The following HPCAL1 variants were observed in gnomAD, a reference collection of about 807,000 sequenced individuals.
HPCAL1 encodes the protein hippocalcin like 1.
A neutral mutation model predicts 17.1 loss-of-function variants in HPCAL1; 8 were observed. That is an observed-to-expected ratio of 0.47 (90% CI 0.27 to 0.84). The LOEUF is 0.84. HPCAL1 is among the 40% of genes least tolerant of loss of function. The probability of loss-of-function intolerance (pLI) is 0.13; values close to 1 mark genes in which losing one functional copy is unlikely to be tolerated. For missense variants in HPCAL1, 165 were observed against 271.1 expected, an observed-to-expected ratio of 0.61 and a Z score of 2.75; for synonymous variants, 112 against 111.4, an observed-to-expected ratio of 1.01 and a Z score of -0.03.
intron 1 of HPCAL1, among the ~76,000 whole-genome samples, chr2:10,371,077 G>C (rs1238222871): frequency 6.6e-6 from 1 of 152,202 alleles, no homozygotes; most frequent in East Asian, 1.9e-4. Flanking sequence ...AGCAAACAGA[G>C]GAGGCCAGTG....
In HPCAL1 at chr2:10,330,368, A is replaced by G. The variant is rs1033439354; in HGVS notation, c.-111+27191A>G. Among the ~76,000 whole-genome samples the G allele has an allele frequency of 6.6e-6, 1 of 152,058 alleles. No individual in the cohort carries two copies. The highest frequency in any genetic ancestry group is 1.5e-5 in the Non-Finnish European group (1 of 67,998). On this transcript the variant is annotated intron_variant, in intron 1 of 4. Coordinates refer to ENST00000307845, the MANE Select transcript of HPCAL1 (RefSeq NM_002149.4). This position sits in a 1 kb window ranked among gnomAD's most constrained non-coding sequence, Gnocchi z 4.2. Reference sequence around the variant, plus strand: ...GGGCAGCAGCTTTGGAGCAAGGGCCACCCTGCCCCTCCCCACCAAGCCCTG... The same window carrying G: ...GGGCAGCAGCTTTGGAGCAAGGGCCGCCCTGCCCCTCCCCACCAAGCCCTG...
Position 10,342,003 on chromosome 2 carries a change from T to G in HPCAL1, c.-111+38826T>G, listed in dbSNP as rs1319281788. On this transcript the variant is annotated intron_variant, in intron 1 of 4. Transcript: ENST00000307845. The surrounding 1 kb of genome is among the most constrained non-coding windows in gnomAD (Gnocchi z 4.1). ...AGACTCTGTCTCTAGATAAAGTTTTTTTTTTTTTTTTAAATTAGCCAGATG... is the reference window on the plus strand; with the variant it reads ...AGACTCTGTCTCTAGATAAAGTTTTGTTTTTTTTTTTAAATTAGCCAGATG... 1.3e-5 allele frequency among the ~76,000 whole-genome samples: 2 copies of G among 151,664 alleles called. No individual in the cohort carries two copies. Among genetic ancestry groups the G allele is most frequent in the East Asian group, 1.9e-4 (1 of 5,150 alleles).
chr2:10,387,111 C>T (rs1302972506), intron 1 of HPCAL1, among the ~76,000 whole-genome samples: 1 of 152,238 alleles, frequency 6.6e-6, no homozygotes, highest in African/African-American at 2.4e-5. Flanking sequence ...ACCTGTCCAG[C>T]ACCCATGAGG....
At chr2:10,307,106 C>T (rs981286832) in intron 1 of HPCAL1, among the ~76,000 whole-genome samples, 1 of 151,792 alleles carries the variant, frequency 6.6e-6, no homozygotes, top group Admixed American at 6.6e-5. Context: ...GTGTCTTAGC[C>T]CCACCTGTGG....
chr2:10,403,185 G>GCAGCT (rs1414762358), intron 2 of HPCAL1, among the ~76,000 whole-genome samples: 6 of 152,216 alleles, frequency 3.9e-5, no homozygotes, highest in African/African-American at 1.4e-4. Context: ...GGCTCAGTGA[G>GCAGCT]CAGCTCCTCA....
chr2:10,339,935 C>A (rs945844603), intron 1 of HPCAL1, among the ~76,000 whole-genome samples: 1 of 152,214 alleles, frequency 6.6e-6, no homozygotes, highest in Non-Finnish European at 1.5e-5. Context: ...TACTGGGCAT[C>A]ACAGGTGTGT....
In HPCAL1 at chr2:10,363,910, G is replaced by A. The variant is rs1304913591; in HGVS notation, c.-110-32925G>A. ...TTGCCTGCCTTCTGGTAAGCGTTTA[G>A]TGCCCTGAGCCGACTCAGCTGGTGC... is the stretch of plus-strand genomic sequence containing the variant. On this transcript the variant is annotated intron_variant, in intron 1 of 4. Coordinates refer to ENST00000307845, the MANE Select transcript of HPCAL1 (RefSeq NM_002149.4). This position sits in a 1 kb window ranked among gnomAD's most constrained non-coding sequence, Gnocchi z 4.7. Among the ~76,000 whole-genome samples, 4 of 152,212 alleles carry A rather than the reference G, an allele frequency of 2.6e-5. No homozygotes were observed. Among genetic ancestry groups the A allele is most frequent in the Admixed American group, 1.3e-4 (2 of 15,288 alleles).
chr2:10,371,508 C>T (rs1178160783), intron 1 of HPCAL1, among the ~76,000 whole-genome samples: 2 of 152,072 alleles, frequency 1.3e-5, no homozygotes, highest in African/African-American at 2.4e-5. Context: ...TTGGCTGTGA[C>T]CTGGGGGTCC....
intron 1 of HPCAL1, among the ~76,000 whole-genome samples, chr2:10,333,610 G>C (rs1380033759): frequency 6.6e-6 from 1 of 152,188 alleles, no homozygotes; most frequent in Non-Finnish European, 1.5e-5. Context: ...TTCAGCTGTG[G>C]CCATTTTGGC....
intron 1 of HPCAL1, among the ~76,000 whole-genome samples, chr2:10,329,312 A>T (rs1664206124): frequency 6.6e-6 from 1 of 152,252 alleles, no homozygotes; most frequent in Non-Finnish European, 1.5e-5. Flanking sequence ...ATGAAGATTG[A>T]GGACCTTGAG....
chr2:10,417,793 A>G (rs750478554), intron 2 of HPCAL1, among the ~76,000 whole-genome samples: 36 of 152,156 alleles, frequency 2.4e-4, no homozygotes, highest in Admixed American at 7.2e-4. Flanking sequence ...TGTAGTCCCA[A>G]CACATTGGGA....
chr2:10,399,928 C>A (rs1156685287), intron 2 of HPCAL1, among the ~76,000 whole-genome samples: 1 of 152,190 alleles, frequency 6.6e-6, no homozygotes, highest in Non-Finnish European at 1.5e-5. Context: ...GGAGAACAGA[C>A]CAGAGTAAAC....
intron 4 of HPCAL1, 121 bp downstream of exon 4, chr2:10,423,209 A>G (rs1396510394): frequency 6.9e-6 from 5 of 727,928 alleles, no homozygotes; most frequent in Non-Finnish European, 1.2e-5. Flanking sequence ...CCCGCCCGCC[A>G]CCTGCCTGGC....
intron 1 of HPCAL1, among the ~76,000 whole-genome samples, chr2:10,349,702 C>CA (rs55897775): frequency 0.025 from 1,340 of 52,728 alleles, 363 homozygotes; most frequent in Non-Finnish European, 0.034. Flanking sequence ...GACTCTGTCT[C>CA]AAAAAAAAAA....
intron 1 of HPCAL1, among the ~76,000 whole-genome samples, chr2:10,389,055 T>G (rs931815428): frequency 6.6e-6 from 1 of 152,072 alleles, no homozygotes; most frequent in African/African-American, 2.4e-5. Flanking sequence ...CAGACCAAAT[T>G]GAGGACTAGC....
chr2:10,341,172 G>C (rs1203160817), intron 1 of HPCAL1, among the ~76,000 whole-genome samples: 1 of 152,018 alleles, frequency 6.6e-6, no homozygotes, highest in East Asian at 1.9e-4. Context: ...ACTGTGGGCT[G>C]GGGTGCAGTG....
chr2:10,305,769 T>C (rs113694093), intron 1 of HPCAL1, among the ~76,000 whole-genome samples: 1 of 152,200 alleles, frequency 6.6e-6, no homozygotes, highest in East Asian at 1.9e-4. Flanking sequence ...TCCGTCCCCT[T>C]TCTGGCCACA....
intron 1 of HPCAL1, among the ~76,000 whole-genome samples, chr2:10,345,280 G>A (rs1665360458): frequency 6.6e-6 from 1 of 152,106 alleles, no homozygotes; most frequent in African/African-American, 2.4e-5. Flanking sequence ...TCCCAGGAGT[G>A]ATAATACTGT....
chr2:10,391,228 A>T (rs1668673429), intron 1 of HPCAL1, among the ~76,000 whole-genome samples: 1 of 151,424 alleles, frequency 6.6e-6, no homozygotes, highest in Non-Finnish European at 1.5e-5. Context: ...TGAGGCTGCC[A>T]GGGGGGTTTG....
Sources: allele counts gnomAD v4.1 joint callset (sites outside exome capture counted in the v4.1 genomes callset), GRCh38; gene constraint gnomAD v4.1.1; non-coding constraint Gnocchi (gnomAD v3.1); transcripts MANE v1.5; gene names NCBI Gene and HGNC (gene_info 2026-07-23, HGNC 2026-07-21).